The following PATJ variants were observed in gnomAD, a reference collection of about 807,000 sequenced individuals.
The protein encoded by PATJ is inaD-like protein.
A neutral mutation model predicts 224.9 loss-of-function variants in PATJ; 190 were observed. The ratio of observed to expected loss-of-function variants is 0.84; its 90% CI spans 0.75 to 0.95. The LOEUF is 0.95. Ranked by LOEUF, PATJ falls within the 40% of genes least tolerant of loss-of-function variation. The pLI is 0.00. For missense variants in PATJ, 2,121 were observed against 2,270.3 expected (o/e 0.93, Z 1.34); for synonymous variants, 769 against 820.3 (o/e 0.94, Z 1.07).
At chr1:61,911,487 A>G (rs2016237) in intron 25 of PATJ, among the ~76,000 whole-genome samples, 125,111 of 151,910 alleles carry the variant, frequency 0.82, 52,180 homozygotes, top group East Asian at 1. Flanking sequence ...GAGCCACCGC[A>G]CCTAGCCACC....
In PATJ at chr1:61,772,760, A is replaced by G. The variant is rs116169027; in HGVS notation, c.720+1134A>G. ...GTCAGGTTTGGATGCATTCAAGTCTATTTCTCCCATATCCTAGTGGTGTCA... is the reference window on the plus strand; with the variant it reads ...GTCAGGTTTGGATGCATTCAAGTCTGTTTCTCCCATATCCTAGTGGTGTCA... On this transcript the variant is annotated intron_variant, in intron 6 of 43. Transcript: ENST00000642238. Among the ~76,000 whole-genome samples, 526 of 152,222 alleles carry G rather than the reference A, an allele frequency of 3.5e-3. 4 individuals are homozygous for G. The highest frequency in any genetic ancestry group is 0.012 in the African/African-American group (500 of 41,536).
intron 31 of PATJ, among the ~76,000 whole-genome samples, chr1:62,068,329 AGTTT>A (rs1274774214): frequency 1.3e-5 from 2 of 152,090 alleles, no homozygotes; most frequent in African/African-American, 2.4e-5. Flanking sequence ...TTTGTTAGTT[AGTTT>A]GTTTGTTTTT....
At chr1:61,827,617 A>C (rs772441633) in intron 16 of PATJ, 34 bp downstream of exon 16, 6 of 1,586,770 alleles carry the variant, frequency 3.8e-6, no homozygotes. Flanking sequence ...TCCCATAGGC[A>C]TGCCCATTCA....
chr1:61,853,886 A>G (rs150965420), intron 17 of PATJ, among the ~76,000 whole-genome samples: 67 of 152,258 alleles, frequency 4.4e-4, no homozygotes, highest in Non-Finnish European at 8.1e-4. Flanking sequence ...GTGGTGTTAT[A>G]TTACATCAGA....
chr1:61,764,878 CAAAGATCAGCAG>C (rs1646170990), intron 3 of PATJ, among the ~76,000 whole-genome samples: 1 of 152,004 alleles, frequency 6.6e-6, no homozygotes, highest in South Asian at 2.1e-4. Flanking sequence ...CTGAAATTGG[CAAAGATCAGCAG>C]AAATCTATCA....
chr1:62,006,690 A>G (rs1362982227), intron 28 of PATJ, among the ~76,000 whole-genome samples: 3 of 152,224 alleles, frequency 2.0e-5, no homozygotes, highest in Non-Finnish European at 4.4e-5. Flanking sequence ...CTTACCTCAT[A>G]TCAGATTGTC....
intron 12 of PATJ, among the ~76,000 whole-genome samples, chr1:61,805,005 A>G (rs1024264005): frequency 6.6e-6 from 1 of 152,154 alleles, no homozygotes; most frequent in Admixed American, 6.5e-5. Context: ...TATCTTGGTA[A>G]GTTTTTACTT....
chr1:62,039,925 C>A (rs1651141762), intron 30 of PATJ, among the ~76,000 whole-genome samples: 1 of 151,702 alleles, frequency 6.6e-6, no homozygotes, highest in Non-Finnish European at 1.5e-5. Flanking sequence ...TCTCTCGAGG[C>A]AGTCTCCTGG....
intron 43 of PATJ, among the ~76,000 whole-genome samples, chr1:62,154,133 C>T (rs921806674): frequency 4.6e-5 from 7 of 152,182 alleles, no homozygotes; most frequent in East Asian, 3.9e-4. Context: ...TGAGCTCAGG[C>T]GATCCACCTG....
chr1:61,885,138 A>G, intron 22 of PATJ, among the ~76,000 whole-genome samples: 1 of 152,190 alleles, frequency 6.6e-6, no homozygotes, highest in Non-Finnish European at 1.5e-5. Context: ...CATGTCTAAA[A>G]CACCAAAAGC....
chr1:61,784,628 G>C (rs558140864), intron 7 of PATJ, among the ~76,000 whole-genome samples: 1 of 152,270 alleles, frequency 6.6e-6, no homozygotes, highest in South Asian at 2.1e-4. Flanking sequence ...CTTTGGCCAA[G>C]CCAAGTATGA....
At chr1:62,047,410 C>T (rs1306343743) in intron 30 of PATJ, among the ~76,000 whole-genome samples, 6 of 143,350 alleles carry the variant, frequency 4.2e-5, no homozygotes, top group African/African-American at 1.5e-4. Flanking sequence ...GCACCCACCA[C>T]CACGCCTGGC....
At position 62,117,268 on chromosome 1, in the gene PATJ, G is replaced by A. The variant is rs1362009990; in HGVS notation, c.4890+50G>A. ...TGACTCACTCTTCTGCCCCCACTGGGAGAAAGTTCCCCATTTAATAAATGG... is the reference window on the plus strand; with the variant it reads ...TGACTCACTCTTCTGCCCCCACTGGAAGAAAGTTCCCCATTTAATAAATGG... On this transcript the variant is annotated intron_variant, in intron 37 of 43. Coordinates refer to ENST00000642238, the MANE Select transcript of PATJ (RefSeq NM_001350145.3). 6 of 1,610,744 alleles carry A rather than the reference G, an allele frequency of 3.7e-6. No homozygotes were observed. In the African/African-American group the frequency reaches 8.0e-5, roughly 22 times the overall value.
chr1:62,135,409 A>T (rs899487348), intron 41 of PATJ, among the ~76,000 whole-genome samples: 2 of 150,832 alleles, frequency 1.3e-5, no homozygotes, highest in Non-Finnish European at 2.9e-5. Flanking sequence ...CCAGCTACTC[A>T]GGAGGCTGAG....
chr1:61,765,946 G>C (rs1646247540), intron 3 of PATJ, among the ~76,000 whole-genome samples: 1 of 152,096 alleles, frequency 6.6e-6, no homozygotes, highest in Non-Finnish European at 1.5e-5. Context: ...ACAGATAAAT[G>C]GAAAAAGGTT....
rs760817048 is a variant in PATJ at position 62,128,005 on chromosome 1, G to A, written c.5077G>A (p.Gly1693Arg). ...TGATGCCCTTGGAATCAGTATTGCTGGAGGAAGAGGAAGTCCCTTAGGAGA... is the reference window on the plus strand; with the variant it reads ...TGATGCCCTTGGAATCAGTATTGCTAGAGGAAGAGGAAGTCCCTTAGGAGA... ...LSDALGISIA[G>R]GRGSPLGDIP... is the part of the protein sequence containing the mutation. The change falls in exon 40 of 44, where the codon GGA becomes AGA. Residue 1693 changes from glycine (G) to arginine (R), a missense_variant. By Grantham distance (125) the Gly-to-Arg change is moderately radical. Transcript: ENST00000642238. The A allele has an allele frequency of 1.2e-6, 2 of 1,614,002 alleles. No individual in the cohort carries two copies. Among genetic ancestry groups the A allele is most frequent in the Admixed American group, 1.7e-5 (1 of 60,010 alleles).
At position 61,766,395 on chromosome 1, in the gene PATJ, G is replaced by C; in HGVS notation, c.306G>C (p.Ser102=). 1 of 1,612,560 alleles carries C rather than the reference G, an allele frequency of 6.2e-7. No individual in the cohort carries two copies. Among genetic ancestry groups the C allele is most frequent in the South Asian group, 1.1e-5 (1 of 90,830 alleles). The part of the protein sequence containing the change: ...NGNVHRPSNN[S]TVSGLFPWTP... ...ATGTCCACAGGCCCTCTAATAACTC[G>C]ACTGTATCTGGGTTATTTCCGTGGA... The change falls in exon 4 of 44, where the codon TCG becomes TCC. Residue 102 remains serine (S), a synonymous_variant. Coordinates refer to ENST00000642238, the MANE Select transcript of PATJ (RefSeq NM_001350145.3).
chr1:61,841,582 GT>G (rs935065486), intron 17 of PATJ, among the ~76,000 whole-genome samples: 2 of 126,814 alleles, frequency 1.6e-5, no homozygotes, highest in East Asian at 2.4e-4. Context: ...TGACATCTAG[GT>G]TTTTTTTTTC....
At chr1:62,096,703 C>A (rs1408029561) in intron 33 of PATJ, among the ~76,000 whole-genome samples, 2 of 152,130 alleles carry the variant, frequency 1.3e-5, no homozygotes, top group Admixed American at 1.3e-4. Flanking sequence ...GCAACCTCCT[C>A]CTCCCGGGTT....
Sources: gnomAD v4.1 joint callset for allele counts (sites outside exome capture counted in the v4.1 genomes callset) on GRCh38, gnomAD v4.1.1 for gene constraint, MANE v1.5 for transcripts, NCBI Gene and HGNC (gene_info 2026-07-23, HGNC 2026-07-21) for gene names.